COL1A2: variants seen among roughly 807,000 people sequenced by gnomAD.
COL1A2 encodes the protein collagen alpha-2(I) chain.
A neutral mutation model predicts 174.3 loss-of-function variants in COL1A2; 49 were observed. The observed-to-expected ratio is 0.28, with a 90% CI of 0.22 to 0.36. The LOEUF (loss-of-function observed/expected upper bound fraction) is 0.36, where lower values mean the gene tolerates loss of function less well. Ranked by LOEUF, COL1A2 falls within the 10% of genes least tolerant of loss-of-function variation. The pLI, the probability that COL1A2 is intolerant of heterozygous loss-of-function variation, is 1.00. For synonymous variants in COL1A2, 655 were observed against 606.6 expected, an observed-to-expected ratio of 1.08 and a Z score of -1.17; for missense variants, 1,438 against 1,822.7, an observed-to-expected ratio of 0.79 and a Z score of 3.84.
chr7:94,420,977 T>A (rs2115933428), intron 37 of COL1A2, 32 bp from the exon 38 acceptor site: 1 of 1,610,168 alleles, frequency 6.2e-7, no homozygotes, highest in African/African-American at 1.3e-5. Context: ...GGTTTGTTTG[T>A]GATTTGACTC....
At position 94,405,237 on chromosome 7, in the gene COL1A2, A is replaced by T; in HGVS notation, c.471A>T (p.Gly157=). The T allele has an allele frequency of 1.9e-6, 3 of 1,613,972 alleles. No individual in the cohort carries two copies. The highest frequency in any genetic ancestry group is 2.5e-6 in the Non-Finnish European group (3 of 1,179,916). Reference sequence around the variant, plus strand: ...AACCCGGACGACCTGGTGAGAGAGGAGTTGTTGGACCACAGGTGAGACTTT... The same window carrying T: ...AACCCGGACGACCTGGTGAGAGAGGTGTTGTTGGACCACAGGTGAGACTTT... ...PGKPGRPGER[G]VVGPQGARGF... is the part of the protein sequence containing the mutation. Residue 157 remains glycine (G), a synonymous_variant, in exon 10 of 52, where the codon GGA becomes GGT. Coordinates refer to ENST00000297268, the MANE Select transcript of COL1A2 (RefSeq NM_000089.4).
At position 94,394,952 on chromosome 7, in the gene COL1A2, C is replaced by G. The variant is rs1584310171; in HGVS notation, c.-80C>G. 3 of 1,261,254 alleles carry G rather than the reference C, an allele frequency of 2.4e-6. No homozygotes were observed. The highest frequency in any genetic ancestry group is 2.3e-5 in the East Asian group (1 of 43,250). The allele number at this position is 1,261,254 out of a possible 1,614,324, so 78.1% of individuals were successfully genotyped here. On this transcript the variant is annotated 5_prime_UTR_variant, in exon 1 of 52. Coordinates refer to ENST00000297268, the MANE Select transcript of COL1A2 (RefSeq NM_000089.4). ...TGGAGGTACTGGCCACGACTGCATGCCCGCGCCCGCCAGGTGATACCTCCG... is the reference window on the plus strand; with the variant it reads ...TGGAGGTACTGGCCACGACTGCATGGCCGCGCCCGCCAGGTGATACCTCCG...
At chr7:94,408,043 C>A (rs1307435727) in intron 13 of COL1A2, 140 bp from the exon 14 acceptor site, 5 of 1,172,442 alleles carry the variant, frequency 4.3e-6, no homozygotes, top group Non-Finnish European at 6.2e-6. Flanking sequence ...AAATCCACTA[C>A]TGTTTAGTTG....
chr7:94,405,335 A>ATCT, intron 10 of COL1A2, 83 bp downstream of exon 10: 1 of 1,318,940 alleles, frequency 7.6e-7, no homozygotes, highest in Non-Finnish European at 1.1e-6. Context: ...TCTAAATGAC[A>ATCT]ACATAGATGT....
chr7:94,421,343 C>A, intron 38 of COL1A2: 1 of 505,660 alleles, frequency 2.0e-6, no homozygotes, highest in Non-Finnish European at 3.6e-6. Context: ...TATTAATATG[C>A]CCCTTCTTCT....
At chr7:94,414,876 G>A in intron 29 of COL1A2, among the ~76,000 whole-genome samples, 1 of 152,178 alleles carries the variant, frequency 6.6e-6, no homozygotes, top group East Asian at 1.9e-4. Context: ...TTTCTCTTAA[G>A]AAGACGATCT....
intron 30 of COL1A2, among the ~76,000 whole-genome samples, chr7:94,415,975 G>T (rs147202596): frequency 6.6e-6 from 1 of 152,030 alleles, no homozygotes; most frequent in Admixed American, 6.6e-5. Context: ...TTATTACACA[G>T]GGTTATAAAA....
intron 42 of COL1A2, 148 bp from the exon 43 acceptor site, chr7:94,425,462 T>G: frequency 1.1e-6 from 1 of 907,680 alleles, no homozygotes; most frequent in South Asian, 1.4e-5. Context: ...AATATCTAGG[T>G]TGGCAGGTTT....
Position 94,421,929 on chromosome 7 carries a change from C to T in COL1A2, c.2380C>T (p.Arg794Trp), listed in dbSNP as rs759251034. Residue 794 changes from arginine (R) to tryptophan (W), a missense_variant, in exon 39 of 52, where the codon CGG becomes TGG. Coordinates refer to ENST00000297268, the MANE Select transcript of COL1A2 (RefSeq NM_000089.4). Reference protein sequence around the residue: ...GMTGFPGAAGRTGPPGPSGIS... With the variant: ...GMTGFPGAAGWTGPPGPSGIS... Reference sequence around the variant, plus strand: ...GACTGGTTTCCCTGGTGCTGCTGGACGGACTGGTCCCCCAGGACCCTCTGT... The same window carrying T: ...GACTGGTTTCCCTGGTGCTGCTGGATGGACTGGTCCCCCAGGACCCTCTGT... The T allele has an allele frequency of 1.1e-5, 17 of 1,614,004 alleles. No individual in the cohort carries two copies. The highest frequency in any genetic ancestry group is 8.3e-5 in the Admixed American group (5 of 60,004).
rs371370917 is a variant in COL1A2 at position 94,426,412 on chromosome 7, T to C, written c.2998-11T>C. 9 of 1,579,924 alleles carry C rather than the reference T, an allele frequency of 5.7e-6. No individual in the cohort carries two copies. In the African/African-American group the frequency reaches 9.4e-5, roughly 17 times the overall value. On this transcript the variant is annotated splice_polypyrimidine_tract_variant and intron_variant, in intron 45 of 51. Transcript: ENST00000297268. ...ACGGTAAGTCTTATCCATCCTTCTG[T>C]TTCTTTATAGGGCCCACAAGGCATT...
In COL1A2 at chr7:94,412,571, ACT is replaced by A. The variant is rs778910090; in HGVS notation, c.1405-10_1405-9del. On this transcript the variant is annotated splice_polypyrimidine_tract_variant and intron_variant, in intron 24 of 51. Transcript: ENST00000297268. ...GTTGACACTGAGTAAACTTGAAATAACTCTGCTTTCAGGGCCTCCCTGGCATC... is the reference window on the plus strand; with the variant it reads ...GTTGACACTGAGTAAACTTGAAATAACTGCTTTCAGGGCCTCCCTGGCATC... 5.0e-6 allele frequency: 8 copies of A among 1,608,804 alleles called. No individual in the cohort carries two copies. In the African/African-American group the frequency reaches 8.0e-5, roughly 16 times the overall value.
intron 31 of COL1A2, chr7:94,416,727 A>G (rs1413400831): frequency 3.5e-6 from 2 of 568,402 alleles, no homozygotes; most frequent in East Asian, 2.9e-5. Flanking sequence ...TTCCCAAAAC[A>G]TAAATGAATT....
In COL1A2 at chr7:94,419,549, C is replaced by A; in HGVS notation, c.2077C>A (p.Arg693=). ...APGPAGATGD[R]GEAGAAGPAG... Reference sequence around the variant, plus strand: ...TGGTCCTGCTGGAGCCACAGGTGACCGGGTAAGCATGCATTTTCACTAAGC... The same window carrying A: ...TGGTCCTGCTGGAGCCACAGGTGACAGGGTAAGCATGCATTTTCACTAAGC... Residue 693 remains arginine (R), a splice_region_variant and synonymous_variant, in exon 34 of 52, where the codon CGG becomes AGG. Coordinates refer to ENST00000297268, the MANE Select transcript of COL1A2 (RefSeq NM_000089.4). 5 of 1,613,960 alleles carry A rather than the reference C, an allele frequency of 3.1e-6. No individual in the cohort carries two copies. The highest frequency in any genetic ancestry group is 3.4e-6 in the Non-Finnish European group (4 of 1,179,968).
chr7:94,406,383 A>C, intron 12 of COL1A2, 80 bp downstream of exon 12: 1 of 1,234,590 alleles, frequency 8.1e-7, no homozygotes. Context: ...TATTATACTG[A>C]AGACTACCCA....
Position 94,426,604 on chromosome 7 carries a change from C to T in COL1A2, c.3105+74C>T. On this transcript the variant is annotated intron_variant, in intron 46 of 51. Transcript: ENST00000297268. Reference sequence around the variant, plus strand: ...CAGCTCAGAAGGATTTTCATATTTTCACTGCTATTGTTCCAGTATAGCCTA... The same window carrying T: ...CAGCTCAGAAGGATTTTCATATTTTTACTGCTATTGTTCCAGTATAGCCTA... 25 of 1,133,764 alleles carry T rather than the reference C, an allele frequency of 2.2e-5. 1 individual carries two copies. In the South Asian group the frequency reaches 3.3e-4, roughly 15 times the overall value. The allele number at this position is 1,133,764 out of a possible 1,614,324, so 70.2% of individuals were successfully genotyped here. A position where few individuals can be genotyped will look rare whatever the true frequency, so the allele number is the denominator to read the frequency against.
chr7:94,408,303 T>G (rs1791845537), intron 14 of COL1A2, 33 bp from the exon 15 acceptor site: 1 of 1,614,024 alleles, frequency 6.2e-7, no homozygotes, highest in Non-Finnish European at 8.5e-7. Flanking sequence ...TCATTTAAGT[T>G]TCCACCTGAT....
chr7:94,414,014 G>T (rs778316937), intron 28 of COL1A2, 67 bp downstream of exon 28: 3 of 1,443,142 alleles, frequency 2.1e-6, no homozygotes, highest in Admixed American at 1.7e-5. Flanking sequence ...TCACCATACC[G>T]TACCTCTCTT....
In COL1A2 at chr7:94,424,375, G is replaced by A. The variant is rs780389631; in HGVS notation, c.2605G>A (p.Ala869Thr). Residue 869 changes from alanine to threonine, a missense_variant, in exon 41 of 52, where the codon GCT becomes ACT. Ala to Thr is a moderately conservative substitution (Grantham distance 58). Around this residue, in one of 3 missense-constraint regions of COL1A2, gnomAD observed 867 missense variants for 1,213.7 expected, o/e 0.71. Transcript: ENST00000297268. ...TCCAGGTCCTCAGGGTCTTCTTGGT[G>A]CTCCTGGTATTCTGGGTCTCCCTGG... is the stretch of plus-strand genomic sequence containing the variant. Reference protein sequence around the residue: ...GTPGPQGLLGAPGILGLPGSR... With the variant: ...GTPGPQGLLGTPGILGLPGSR... 1.8e-5 allele frequency: 29 copies of A among 1,614,106 alleles called. No homozygotes were observed. Among genetic ancestry groups the A allele is most frequent in the Non-Finnish European group, 2.3e-5 (27 of 1,180,006 alleles).
Position 94,401,948 on chromosome 7 carries a change from G to T in COL1A2, c.279+328G>T, listed in dbSNP as rs551274775. ...GGGCAAATCAATTTAATTTAAAACA[G>T]TAATCACTCTGATTAATTTTTTAAT... On this transcript the variant is annotated intron_variant, in intron 6 of 51. Transcript: ENST00000297268. 2.0e-5 allele frequency among the ~76,000 whole-genome samples: 3 copies of T among 152,118 alleles called. No individual in the cohort carries two copies. The East Asian group carries it at 5.8e-4, about 29-fold the overall frequency.
Sources: allele counts gnomAD v4.1 joint callset (sites outside exome capture counted in the v4.1 genomes callset), GRCh38; gene constraint gnomAD v4.1.1; regional missense constraint gnomAD v4.1.1; transcripts MANE v1.5; gene names NCBI Gene and HGNC (gene_info 2026-07-23, HGNC 2026-07-21).